Variants in CPEB3 observed in about 807,000 individuals in gnomAD.
The protein encoded by CPEB3 is cytoplasmic polyadenylation element-binding protein 3.
A neutral mutation model predicts 67.2 loss-of-function variants in CPEB3; 20 were observed. That is an observed-to-expected ratio of 0.30 (90% confidence interval 0.21 to 0.43). The LOEUF (loss-of-function observed/expected upper bound fraction) is 0.43, where lower values mean the gene tolerates loss of function less well. CPEB3 is among the 20% of genes least tolerant of loss of function. CPEB3 has a pLI of 1.00. For synonymous variants in CPEB3, 376 were observed against 393.1 expected (o/e 0.96, Z 0.51); for missense variants, 746 against 968.6 (o/e 0.77, Z 3.05).
At chr10:92,223,934 A>G (rs1850835413) in intron 2 of CPEB3, among the ~76,000 whole-genome samples, 1 of 151,954 alleles carries the variant, frequency 6.6e-6, no homozygotes. Context: ...TTTTTAGTAG[A>G]GACGGGGTTT....
Position 92,259,411 on chromosome 10 carries a change from G to A in CPEB3, c.-11-19050C>T, listed in dbSNP as rs186367668. Among the ~76,000 whole-genome samples the A allele has an allele frequency of 5.9e-5, 9 of 152,004 alleles. No individual in the cohort carries two copies. The East Asian group carries it at 1.8e-3, about 30-fold the overall frequency. On this transcript the variant is annotated intron_variant, in intron 1 of 9. Transcript: ENST00000265997. ...GAGGTCAGGAGTTCGAGATAAGCCT[G>A]ACCAACATGGAGAAATCCCGTCTCT...
intron 9 of CPEB3, among the ~76,000 whole-genome samples, chr10:92,072,976 T>C (rs963847131): frequency 6.6e-6 from 1 of 151,984 alleles, no homozygotes; most frequent in Non-Finnish European, 1.5e-5. Flanking sequence ...CCTTTATTTA[T>C]TTATTTCAAG....
intron 6 of CPEB3, among the ~76,000 whole-genome samples, chr10:92,133,469 G>A (rs533106570): frequency 1.8e-4 from 28 of 152,276 alleles, no homozygotes; most frequent in South Asian, 6.2e-4. Context: ...ACTAAACCAG[G>A]AAGAAGCTGA....
chr10:92,189,296 T>C (rs950533177), intron 3 of CPEB3, among the ~76,000 whole-genome samples: 2 of 152,174 alleles, frequency 1.3e-5, no homozygotes, highest in African/African-American at 4.8e-5. Context: ...TTATGAAAAA[T>C]ATAAAATTTT....
intron 3 of CPEB3, among the ~76,000 whole-genome samples, chr10:92,192,036 G>A (rs17107472): frequency 0.081 from 12,252 of 152,196 alleles, 641 homozygotes; most frequent in East Asian, 0.19. Flanking sequence ...TACTAGGAAG[G>A]GGATTATGCT....
At chr10:92,278,336 T>A (rs1842089710) in intron 1 of CPEB3, among the ~76,000 whole-genome samples, 1 of 152,184 alleles carries the variant, frequency 6.6e-6, no homozygotes, top group African/African-American at 2.4e-5. Flanking sequence ...AGTACTGCCA[T>A]CTTAAAAATG....
intron 6 of CPEB3, among the ~76,000 whole-genome samples, chr10:92,123,977 C>T (rs1221095509): frequency 6.6e-6 from 1 of 152,202 alleles, no homozygotes; most frequent in Non-Finnish European, 1.5e-5. Context: ...ACAGCCTTAG[C>T]CCTATCTAAC....
At chr10:92,215,874 G>A (rs1461282745) in intron 2 of CPEB3, among the ~76,000 whole-genome samples, 6 of 147,376 alleles carry the variant, frequency 4.1e-5, no homozygotes, top group Non-Finnish European at 6.0e-5. Context: ...TCAGCCTCCC[G>A]AGTAGGCTGG....
At chr10:92,090,080 A>G in intron 8 of CPEB3, among the ~76,000 whole-genome samples, 1 of 152,240 alleles carries the variant, frequency 6.6e-6, no homozygotes, top group Non-Finnish European at 1.5e-5. Context: ...GGAAGAATAA[A>G]GAGTGAATAA....
chr10:92,156,565 T>C (rs1252720365), intron 4 of CPEB3, among the ~76,000 whole-genome samples: 2 of 152,202 alleles, frequency 1.3e-5, no homozygotes, highest in African/African-American at 4.8e-5. Context: ...CTGCTGTCTA[T>C]TCTCCAGATG....
intron 7 of CPEB3, among the ~76,000 whole-genome samples, chr10:92,094,601 C>CAA (rs762799879): frequency 1.7e-4 from 22 of 126,688 alleles, no homozygotes; most frequent in African/African-American, 5.0e-4. Context: ...AACTCCCTTT[C>CAA]AAAAAAAAAA....
At chr10:92,076,505 A>G (rs1842939086) in intron 9 of CPEB3, 1 of 152,186 alleles carries the variant, frequency 6.6e-6, no homozygotes, top group African/African-American at 2.4e-5. Flanking sequence ...CTTGGGCTCA[A>G]GCAATCCTCC....
intron 1 of CPEB3, among the ~76,000 whole-genome samples, chr10:92,266,264 A>G (rs1853052363): frequency 6.6e-6 from 1 of 152,216 alleles, no homozygotes; most frequent in Non-Finnish European, 1.5e-5. Context: ...CATTCCTTTG[A>G]AACATCCCAC....
intron 2 of CPEB3, among the ~76,000 whole-genome samples, chr10:92,225,678 T>A (rs535149138): frequency 6.6e-6 from 1 of 152,186 alleles, no homozygotes; most frequent in Non-Finnish European, 1.5e-5. Flanking sequence ...AATATGGCTA[T>A]AAAACTGTAA....
chr10:92,168,791 CT>C (rs748498383), intron 4 of CPEB3, among the ~76,000 whole-genome samples: 2,186 of 118,368 alleles, frequency 0.018, 31 homozygotes, highest in African/African-American at 0.056. Flanking sequence ...ACCTCTTGCC[CT>C]TTTTTTTTTT....
At chr10:92,059,810 A>T (rs1356075240) in intron 9 of CPEB3, among the ~76,000 whole-genome samples, 1 of 152,052 alleles carries the variant, frequency 6.6e-6, no homozygotes, top group African/African-American at 2.4e-5. Flanking sequence ...TACAAAAATT[A>T]GCTGGGCATA....
At chr10:92,128,519 G>A (rs1286822361) in intron 6 of CPEB3, among the ~76,000 whole-genome samples, 1 of 152,140 alleles carries the variant, frequency 6.6e-6, no homozygotes, top group African/African-American at 2.4e-5. Context: ...AAACTGAAGA[G>A]CTTCTGCATA....
intron 6 of CPEB3, among the ~76,000 whole-genome samples, chr10:92,114,447 G>T (rs538901946): frequency 1.2e-4 from 19 of 152,292 alleles, no homozygotes; most frequent in African/African-American, 4.6e-4. Flanking sequence ...TTTACTAAAA[G>T]GTAAATTGCA....
chr10:92,080,206 C>CAAA lies in CPEB3; in HGVS notation c.1869+1111_1869+1113dup, dbSNP rs1176662337. On this transcript the variant is annotated intron_variant, in intron 9 of 9. Coordinates refer to ENST00000265997, the MANE Select transcript of CPEB3 (RefSeq NM_014912.5). The stretch of plus-strand genomic sequence containing the variant: ...TGGGTGACTGAGCAAGACTCCGTCT[C>CAAA]AAAAAAAAAAAAAAAAGACTTGGTG... Among the ~76,000 whole-genome samples the CAAA allele has an allele frequency of 1.9e-3, 197 of 102,218 alleles. 1 individual carries two copies. The highest frequency in any genetic ancestry group is 6.2e-3 in the African/African-American group (179 of 28,916). 67.1% of individuals were successfully genotyped at this position (102,218 alleles called of 152,430 possible).
Sources: allele counts gnomAD v4.1 joint callset (sites outside exome capture counted in the v4.1 genomes callset), GRCh38; gene constraint gnomAD v4.1.1; transcripts MANE v1.5; gene names NCBI Gene and HGNC (gene_info 2026-07-23, HGNC 2026-07-21).